The following SNTG1 variants were observed in gnomAD, a reference collection of about 807,000 sequenced individuals.
SNTG1 encodes the protein syntrophin gamma 1, also known as gamma-1-syntrophin.
SNTG1 carries 39 observed loss-of-function variants against 74.7 expected under a neutral mutation model. The observed-to-expected ratio is 0.52, with a 90% CI of 0.40 to 0.68. The LOEUF is 0.68. SNTG1 is among the 30% of genes least tolerant of loss of function. The probability of loss-of-function intolerance (pLI) is 0.00; values close to 1 mark genes in which losing one functional copy is unlikely to be tolerated. For synonymous variants in SNTG1, 254 were observed against 217.1 expected (o/e 1.17, Z -1.49); for missense variants, 685 against 609.5 (o/e 1.12, Z -1.30).
At chr8:50,179,910 C>T (rs2083139077) in intron 2 of SNTG1, among the ~76,000 whole-genome samples, 1 of 152,170 alleles carries the variant, frequency 6.6e-6, no homozygotes, top group African/African-American at 2.4e-5. Context: ...ACTGTATGAT[C>T]CAGCTATCCT....
chr8:50,664,260 CA>C (rs1401540670), intron 15 of SNTG1, among the ~76,000 whole-genome samples: 5 of 152,228 alleles, frequency 3.3e-5, no homozygotes, highest in African/African-American at 1.2e-4. Flanking sequence ...TGCCTGCCAA[CA>C]GGGGTGTGTT....
intron 2 of SNTG1, among the ~76,000 whole-genome samples, chr8:50,355,945 G>T (rs1369709356): frequency 6.6e-6 from 1 of 152,128 alleles, no homozygotes; most frequent in African/African-American, 2.4e-5. Flanking sequence ...CTTCTGAGTG[G>T]CAGGGAGTTC....
chr8:50,642,310 C>G (rs528811472), intron 13 of SNTG1, among the ~76,000 whole-genome samples: 2 of 152,170 alleles, frequency 1.3e-5, no homozygotes, highest in African/African-American at 4.8e-5. Flanking sequence ...GCATTCTAAA[C>G]AGGCCTTCTT....
intron 12 of SNTG1, among the ~76,000 whole-genome samples, chr8:50,555,260 A>G (rs2094449328): frequency 1.3e-5 from 2 of 151,904 alleles, no homozygotes; most frequent in African/African-American, 4.8e-5. Flanking sequence ...TTCTTCTTTC[A>G]CCTCCTGTTT....
intron 1 of SNTG1, among the ~76,000 whole-genome samples, chr8:49,918,382 C>T (rs930620126): frequency 2.0e-5 from 3 of 152,080 alleles, no homozygotes; most frequent in African/African-American, 7.2e-5. Context: ...GCAACAGCTA[C>T]AATAACCCAG....
chr8:50,048,139 A>G (rs909304526), intron 1 of SNTG1, among the ~76,000 whole-genome samples: 2 of 152,188 alleles, frequency 1.3e-5, no homozygotes, highest in African/African-American at 4.8e-5. Flanking sequence ...TATTTATCAG[A>G]TTAAATAACT....
intron 1 of SNTG1, among the ~76,000 whole-genome samples, chr8:50,150,158 G>A (rs1278259341): frequency 6.6e-6 from 1 of 152,112 alleles, no homozygotes; most frequent in Non-Finnish European, 1.5e-5. Context: ...TGAAGCAATT[G>A]TGAAGGGGTG....
intron 15 of SNTG1, among the ~76,000 whole-genome samples, chr8:50,693,037 T>C (rs375362822): frequency 4.6e-5 from 7 of 152,306 alleles, no homozygotes; most frequent in African/African-American, 1.7e-4. Context: ...TCCGTGGGCA[T>C]AGGACCCTCT....
At position 50,057,735 on chromosome 8, in the gene SNTG1, G is replaced by T. The variant is rs184581972; in HGVS notation, c.-102-114826G>T. Among the ~76,000 whole-genome samples the T allele has an allele frequency of 1.2e-3, 178 of 152,104 alleles. 2 individuals carry two copies. The highest frequency in any genetic ancestry group is 4.1e-3 in the African/African-American group (169 of 41,488). ...TAGAGTCTACAAGACCTGCAACCTG[G>T]GACTGTGTCCATCCCTGTTTGAGTT... is the stretch of plus-strand genomic sequence containing the variant. On this transcript the variant is annotated intron_variant, in intron 1 of 18. Coordinates refer to ENST00000642720, the MANE Select transcript of SNTG1 (RefSeq NM_018967.5).
chr8:50,634,716 T>C lies in SNTG1; in HGVS notation c.850-22193T>C, dbSNP rs1180814785. Among the ~76,000 whole-genome samples, 3 of 152,328 alleles carry C rather than the reference T, an allele frequency of 2.0e-5. No individual in the cohort carries two copies. The East Asian group carries it at 5.8e-4, about 29-fold the overall frequency. ...TGTGCACATTGGTGGTATGAGTATG[T>C]GTAATTAGTTTTGTACAATTATAGA... On this transcript the variant is annotated intron_variant, in intron 13 of 18. Transcript: ENST00000642720.
intron 16 of SNTG1, among the ~76,000 whole-genome samples, chr8:50,706,620 C>A (rs1035751374): frequency 6.6e-6 from 1 of 152,042 alleles, no homozygotes; most frequent in African/African-American, 2.4e-5. Flanking sequence ...ATTCACAATG[C>A]CAGTGTAAGA....
At chr8:50,135,496 T>G (rs931187268) in intron 1 of SNTG1, among the ~76,000 whole-genome samples, 3 of 152,198 alleles carry the variant, frequency 2.0e-5, no homozygotes, top group African/African-American at 4.8e-5. Context: ...ACCATTAATA[T>G]GTAGTGGATA....
intron 18 of SNTG1, among the ~76,000 whole-genome samples, chr8:50,753,909 A>C (rs1039044425): frequency 5.9e-5 from 9 of 152,014 alleles, no homozygotes; most frequent in African/African-American, 1.9e-4. Flanking sequence ...CATAGGTAAT[A>C]CTGAAAATAC....
chr8:50,490,525 G>A (rs1275459459), intron 8 of SNTG1, among the ~76,000 whole-genome samples: 1 of 152,130 alleles, frequency 6.6e-6, no homozygotes, highest in Non-Finnish European at 1.5e-5. Flanking sequence ...TTCTCCTTGT[G>A]CAATTGTGAA....
chr8:50,394,019 A>T (rs1257047751), intron 2 of SNTG1, among the ~76,000 whole-genome samples, 193 bp from the exon 3 acceptor site: 1 of 152,162 alleles, frequency 6.6e-6, no homozygotes. Flanking sequence ...TACTTCCTAA[A>T]AGCTGGGGAT....
At chr8:50,474,397 C>T (rs1456531103) in intron 8 of SNTG1, among the ~76,000 whole-genome samples, 1 of 151,524 alleles carries the variant, frequency 6.6e-6, no homozygotes, top group Non-Finnish European at 1.5e-5. Context: ...AAAAACAACC[C>T]CATCAAAAAG....
At position 49,928,300 on chromosome 8, in the gene SNTG1, C is replaced by T. The variant is rs556014523; in HGVS notation, c.-103+16069C>T. ...TGGAGTGCAGTGGTGTGATATCAGCCGCTCATTGCAACCTCTGCCTCCTGG... is the reference window on the plus strand; with the variant it reads ...TGGAGTGCAGTGGTGTGATATCAGCTGCTCATTGCAACCTCTGCCTCCTGG... On this transcript the variant is annotated intron_variant, in intron 1 of 18. Coordinates refer to ENST00000642720, the MANE Select transcript of SNTG1 (RefSeq NM_018967.5). Among the ~76,000 whole-genome samples the T allele has an allele frequency of 9.6e-4, 146 of 151,398 alleles. No homozygotes were observed. In the South Asian group the frequency reaches 0.012, roughly 13 times the overall value.
At chr8:50,243,214 T>C (rs1586819944) in intron 2 of SNTG1, among the ~76,000 whole-genome samples, 2 of 152,336 alleles carry the variant, frequency 1.3e-5, no homozygotes, top group South Asian at 4.1e-4. Flanking sequence ...AAATTAATTA[T>C]ATTGTAACAT....
At chr8:50,360,691 T>C (rs1587309103) in intron 2 of SNTG1, among the ~76,000 whole-genome samples, 1 of 152,194 alleles carries the variant, frequency 6.6e-6, no homozygotes, top group East Asian at 1.9e-4. Context: ...CAGGCAATTG[T>C]AACAGCACAG....
Sources: allele counts gnomAD v4.1 joint callset (sites outside exome capture counted in the v4.1 genomes callset), GRCh38; gene constraint gnomAD v4.1.1; transcripts MANE v1.5; gene names NCBI Gene and HGNC (gene_info 2026-07-23, HGNC 2026-07-21).